NUAK1: variants seen among roughly 807,000 people sequenced by gnomAD.
NUAK1 encodes NUAK family SNF1-like kinase 1.
NUAK1 carries 26 observed loss-of-function variants against 56.9 expected under a neutral mutation model. The ratio of observed to expected loss-of-function variants is 0.46; its 90% CI spans 0.33 to 0.63. The LOEUF is 0.63. NUAK1 is among the 30% of genes least tolerant of loss of function. The probability of loss-of-function intolerance (pLI) is 0.02; values close to 1 mark genes in which losing one functional copy is unlikely to be tolerated. For missense variants in NUAK1, 727 were observed against 876.1 expected, an observed-to-expected ratio of 0.83 and a Z score of 2.15; for synonymous variants, 337 against 336.0, an observed-to-expected ratio of 1.00 and a Z score of -0.03.
rs767237376 is a variant in NUAK1 at position 106,138,489 on chromosome 12, G to T, written c.165C>A (p.Tyr55Ter). The change falls in exon 1 of 7, where the codon TAC (tyrosine) becomes TAA (stop). Residue 55 changes from tyrosine (Y) to a stop codon, truncating the protein, a stop_gained. Coordinates refer to ENST00000261402, the MANE Select transcript of NUAK1 (RefSeq NM_014840.3). LOFTEE classifies it high-confidence loss of function. This position sits in a 1 kb window ranked among gnomAD's most constrained non-coding sequence, Gnocchi z 5.0. ...CTTTGCCCAGGGTCTCCTGCAGCTC[G>T]TAGCGGTGCTTCAAGTTGTGCTTGT... ...HHHKHNLKHR[Y>*]ELQETLGKGT... 1 of 1,613,538 alleles carries T rather than the reference G, an allele frequency of 6.2e-7. No homozygotes were observed. The highest frequency in any genetic ancestry group is 1.7e-5 in the Admixed American group (1 of 60,012).
intron 1 of NUAK1, among the ~76,000 whole-genome samples, chr12:106,128,979 T>G (rs2033051388): frequency 6.6e-6 from 1 of 152,252 alleles, no homozygotes; most frequent in Non-Finnish European, 1.5e-5. Context: ...TTTGAAAACC[T>G]TGCAGATGCA....
intron 2 of NUAK1, among the ~76,000 whole-genome samples, chr12:106,090,359 A>C (rs1001143124): frequency 6.6e-6 from 1 of 152,166 alleles, no homozygotes; most frequent in Admixed American, 6.5e-5. Flanking sequence ...GTGTTTCATC[A>C]AGGAGGCCAG....
intron 2 of NUAK1, among the ~76,000 whole-genome samples, chr12:106,102,508 TGTGGCTA>T (rs1256079947): frequency 2.0e-5 from 3 of 152,246 alleles, no homozygotes; most frequent in Non-Finnish European, 4.4e-5. Flanking sequence ...AATATCCACC[TGTGGCTA>T]GTGGCTTCTG....
At chr12:106,132,695 AC>A (rs2033091343) in intron 1 of NUAK1, among the ~76,000 whole-genome samples, 1 of 152,198 alleles carries the variant, frequency 6.6e-6, no homozygotes, top group Non-Finnish European at 1.5e-5. Context: ...TCGAGGTCCA[AC>A]AAACAGACCA....
At position 106,138,808 on chromosome 12, in the gene NUAK1, T is replaced by TGGC. The variant is rs2033156422; in HGVS notation, c.-158_-156dup. Reference sequence around the variant, plus strand: ...ACCGCTCGGACTGCGGCTCGGTCACTGGCGGCGGCGGGGACTGCACATCTG... The same window carrying TGGC: ...ACCGCTCGGACTGCGGCTCGGTCACTGGCGGCGGCGGCGGGGACTGCACATCTG... On this transcript the variant is annotated 5_prime_UTR_variant, in exon 1 of 7. Transcript: ENST00000261402. This position sits in a 1 kb window ranked among gnomAD's most constrained non-coding sequence, Gnocchi z 5.0. 3 of 1,085,042 alleles carry TGGC rather than the reference T, an allele frequency of 2.8e-6. No individual in the cohort carries two copies. In the African/African-American group the frequency reaches 5.0e-5, roughly 18 times the overall value. 67.2% of individuals were successfully genotyped at this position (1,085,042 alleles called of 1,614,324 possible).
intron 2 of NUAK1, among the ~76,000 whole-genome samples, chr12:106,098,707 G>A (rs2032718270): frequency 6.6e-6 from 1 of 152,104 alleles, no homozygotes. Flanking sequence ...TTATATGCCG[G>A]ACTGTTACCA....
chr12:106,125,253 C>T (rs2033014739), intron 1 of NUAK1, among the ~76,000 whole-genome samples: 1 of 152,138 alleles, frequency 6.6e-6, no homozygotes. Context: ...TGACTGTGTG[C>T]CAGGCACTGA....
At chr12:106,072,307 T>C (rs976085457) in intron 5 of NUAK1, among the ~76,000 whole-genome samples, 1 of 152,254 alleles carries the variant, frequency 6.6e-6, no homozygotes, top group African/African-American at 2.4e-5. Flanking sequence ...ATTAAAATCA[T>C]GTTTTTAATA....
chr12:106,131,942 C>T (rs1482671335), intron 1 of NUAK1, among the ~76,000 whole-genome samples: 1 of 152,230 alleles, frequency 6.6e-6, no homozygotes, highest in Non-Finnish European at 1.5e-5. Context: ...CTGTGCTCTA[C>T]AATGTCGTCT....
intron 2 of NUAK1, among the ~76,000 whole-genome samples, chr12:106,098,304 G>C (rs1017769277): frequency 4.6e-5 from 7 of 152,182 alleles, no homozygotes; most frequent in African/African-American, 1.7e-4. Flanking sequence ...GAGAATATTT[G>C]AGAATACAGA....
intron 1 of NUAK1, among the ~76,000 whole-genome samples, chr12:106,116,787 G>A (rs1288857640): frequency 2.0e-5 from 3 of 152,180 alleles, no homozygotes; most frequent in Non-Finnish European, 4.4e-5. Context: ...AAGTCCTTTT[G>A]TTAGCTAATA....
At chr12:106,108,680 G>A (rs1003046023) in intron 1 of NUAK1, among the ~76,000 whole-genome samples, 12 of 152,146 alleles carry the variant, frequency 7.9e-5, no homozygotes, top group Non-Finnish European at 2.9e-5. Flanking sequence ...ATGGCCGAGG[G>A]TAGAAACCAC....
At chr12:106,115,828 G>A (rs2032911883) in intron 1 of NUAK1, among the ~76,000 whole-genome samples, 1 of 152,310 alleles carries the variant, frequency 6.6e-6, no homozygotes, top group South Asian at 2.1e-4. Context: ...CCTCAAGGAG[G>A]CTGGGGCAGG....
Position 106,066,867 on chromosome 12 carries a change from T to C in NUAK1, c.1921A>G (p.Thr641Ala), listed in dbSNP as rs779695417. ...RLADSSFSLL[T>A]DMDDVTQVYK... ...ACCTGAGTCACATCATCCATGTCTG[T>C]GAGGAGGGAGAAGCTGCTGTCTGCC... The change falls in exon 7 of 7, where the codon ACA becomes GCA. Residue 641 changes from threonine to alanine, a missense_variant. By Grantham distance (58) the Thr-to-Ala change is moderately conservative. Coordinates refer to ENST00000261402, the MANE Select transcript of NUAK1 (RefSeq NM_014840.3). 7 of 1,614,020 alleles carry C rather than the reference T, an allele frequency of 4.3e-6. No homozygotes were observed. The highest frequency in any genetic ancestry group is 5.9e-6 in the Non-Finnish European group (7 of 1,180,020).
intron 1 of NUAK1, among the ~76,000 whole-genome samples, chr12:106,120,248 T>C (rs1409720748): frequency 6.6e-6 from 1 of 152,162 alleles, no homozygotes. Flanking sequence ...ACAGCACCAC[T>C]GCAACTGGCC....
At chr12:106,131,519 C>T (rs937285393) in intron 1 of NUAK1, among the ~76,000 whole-genome samples, 7 of 152,118 alleles carry the variant, frequency 4.6e-5, no homozygotes, top group Non-Finnish European at 1.0e-4. Flanking sequence ...GTATTAAGTA[C>T]CTCATTCCTT....
chr12:106,115,606 C>G (rs1286950980), intron 1 of NUAK1, among the ~76,000 whole-genome samples: 1 of 152,250 alleles, frequency 6.6e-6, no homozygotes, highest in Non-Finnish European at 1.5e-5. Flanking sequence ...GGTCCCTCCT[C>G]CCCAGCCCGT....
At chr12:106,095,099 A>G (rs1156586448) in intron 2 of NUAK1, among the ~76,000 whole-genome samples, 1 of 152,090 alleles carries the variant, frequency 6.6e-6, no homozygotes, top group Non-Finnish European at 1.5e-5. Flanking sequence ...AGCCTCCCTG[A>G]TCATTCCCTC....
At chr12:106,074,407 T>G (rs1216768548) in intron 4 of NUAK1, among the ~76,000 whole-genome samples, 1 of 152,246 alleles carries the variant, frequency 6.6e-6, no homozygotes, top group Admixed American at 6.5e-5. Flanking sequence ...CAGTTTTATG[T>G]TATGTCCACT....
Sources: gnomAD v4.1 joint callset for allele counts (sites outside exome capture counted in the v4.1 genomes callset) on GRCh38, gnomAD v4.1.1 for gene constraint, Gnocchi (gnomAD v3.1) non-coding constraint, MANE v1.5 for transcripts, NCBI Gene and HGNC (gene_info 2026-07-23, HGNC 2026-07-21) for gene names.